MLLT10: variants seen among roughly 807,000 people sequenced by gnomAD.
The protein encoded by MLLT10 is protein AF-10.
MLLT10 carries 30 observed loss-of-function variants against 129.1 expected under a neutral mutation model. That is an observed-to-expected ratio of 0.23 (90% CI 0.17 to 0.32). The LOEUF is 0.32. Ranked by LOEUF, MLLT10 falls within the 10% of genes least tolerant of loss-of-function variation. The pLI, the probability that MLLT10 is intolerant of heterozygous loss-of-function variation, is 1.00. For missense variants in MLLT10, 1,119 were observed against 1,268.3 expected (o/e 0.88, Z 1.79); for synonymous variants, 490 against 446.4 (o/e 1.10, Z -1.23).
At chr10:21,620,053 T>A (rs2045658346) in intron 8 of MLLT10, among the ~76,000 whole-genome samples, 1 of 151,452 alleles carries the variant, frequency 6.6e-6, no homozygotes, top group African/African-American at 2.4e-5. Context: ...CCTCAGCCTC[T>A]TGAGTAGCTG....
At chr10:21,598,932 C>T (rs1237952972) in intron 5 of MLLT10, among the ~76,000 whole-genome samples, 1 of 151,968 alleles carries the variant, frequency 6.6e-6, no homozygotes, top group Non-Finnish European at 1.5e-5. Flanking sequence ...GTAATCCCAG[C>T]ACTTTGGGAG....
chr10:21,725,317 C>A (rs1451070848), intron 14 of MLLT10, among the ~76,000 whole-genome samples: 1 of 152,202 alleles, frequency 6.6e-6, no homozygotes, highest in Non-Finnish European at 1.5e-5. Flanking sequence ...TAATTAGTCT[C>A]ATGTCCACAT....
chr10:21,695,159 T>G (rs1802930947), intron 13 of MLLT10, among the ~76,000 whole-genome samples: 1 of 151,412 alleles, frequency 6.6e-6, no homozygotes, highest in South Asian at 2.1e-4. Context: ...AACCTCTGCC[T>G]TGCGGGTTCA....
intron 9 of MLLT10, among the ~76,000 whole-genome samples, chr10:21,664,018 A>G (rs1244634501): frequency 6.6e-6 from 1 of 152,188 alleles, no homozygotes; most frequent in Non-Finnish European, 1.5e-5. Flanking sequence ...ATAGGCATTT[A>G]ATGATATAAA....
intron 8 of MLLT10, among the ~76,000 whole-genome samples, chr10:21,642,518 GT>G (rs1272147503): frequency 2.6e-5 from 4 of 152,016 alleles, no homozygotes; most frequent in African/African-American, 9.7e-5. Context: ...TTAGCTGGGT[GT>G]GGTGGCACAT....
At chr10:21,665,300 T>TGG (rs1564607878) in intron 9 of MLLT10, among the ~76,000 whole-genome samples, 1 of 95,386 alleles carries the variant, frequency 1.0e-5, no homozygotes, top group Admixed American at 9.9e-5. Context: ...TTTGTTTTTT[T>TGG]TGGGGGGGGG....
chr10:21,543,036 G>A (rs2130912159), intron 3 of MLLT10, among the ~76,000 whole-genome samples: 1 of 151,458 alleles, frequency 6.6e-6, no homozygotes, highest in African/African-American at 2.4e-5. Context: ...TCGGCTCACT[G>A]CAGCATCCGC....
At chr10:21,726,025 A>G (rs927255174) in intron 14 of MLLT10, among the ~76,000 whole-genome samples, 14 of 152,254 alleles carry the variant, frequency 9.2e-5, no homozygotes, top group African/African-American at 3.4e-4. Flanking sequence ...TGCTGGGATT[A>G]CAGGCGTGAG....
At chr10:21,584,714 G>A (rs1182301903) in intron 3 of MLLT10, among the ~76,000 whole-genome samples, 1 of 151,392 alleles carries the variant, frequency 6.6e-6, no homozygotes, top group African/African-American at 2.4e-5. Flanking sequence ...GTATGTAAGT[G>A]TATATATATT....
intron 10 of MLLT10, among the ~76,000 whole-genome samples, chr10:21,672,991 T>G (rs1420265105): frequency 6.6e-6 from 1 of 152,202 alleles, no homozygotes; most frequent in Non-Finnish European, 1.5e-5. Flanking sequence ...ACTACTGTTC[T>G]GTAGTCCTTC....
chr10:21,544,175 G>A (rs1412515927), intron 3 of MLLT10, among the ~76,000 whole-genome samples: 1 of 152,220 alleles, frequency 6.6e-6, no homozygotes, highest in Non-Finnish European at 1.5e-5. Flanking sequence ...AGTCTGGGAT[G>A]TGATTAAGCT....
At chr10:21,673,961 C>A in intron 11 of MLLT10, 42 bp downstream of exon 11, 1 of 1,448,840 alleles carries the variant, frequency 6.9e-7, no homozygotes. Flanking sequence ...TCACTCCCAC[C>A]ACCTCCCTTC....
chr10:21,733,723 G>T (rs1308577279), intron 19 of MLLT10, 45 bp from the exon 20 acceptor site: 1 of 1,558,706 alleles, frequency 6.4e-7, no homozygotes, highest in African/African-American at 1.4e-5. Flanking sequence ...CTTACGCTGG[G>T]ACTTAATGTC....
intron 8 of MLLT10, among the ~76,000 whole-genome samples, chr10:21,647,718 C>T (rs941043698): frequency 1.3e-5 from 2 of 151,432 alleles, no homozygotes; most frequent in Admixed American, 1.3e-4. Flanking sequence ...GGGGGATTGC[C>T]CAGTCATGTC....
intron 3 of MLLT10, among the ~76,000 whole-genome samples, chr10:21,565,948 T>TC (rs2039499343): frequency 7.7e-6 from 1 of 130,514 alleles, no homozygotes; most frequent in East Asian, 2.1e-4. Flanking sequence ...TCTTTGGCTT[T>TC]TTTTTTTTTT....
chr10:21,674,501 C>T (rs1429019958), intron 11 of MLLT10, among the ~76,000 whole-genome samples: 2 of 152,112 alleles, frequency 1.3e-5, no homozygotes, highest in Non-Finnish European at 2.9e-5. Flanking sequence ...AAATATACTT[C>T]ATGATTTTAC....
chr10:21,591,905 G>A (rs2131116165), intron 4 of MLLT10, among the ~76,000 whole-genome samples: 2 of 152,118 alleles, frequency 1.3e-5, no homozygotes, highest in Middle Eastern at 3.4e-3. Context: ...ATTTTTAGTA[G>A]AGACATAGTT....
At chr10:21,551,717 G>A in intron 3 of MLLT10, 1 of 353,122 alleles carries the variant, frequency 2.8e-6, no homozygotes, top group Non-Finnish European at 5.3e-6. Context: ...AAATTGCCTA[G>A]CATATGGTAT....
chr10:21,633,656 C>T (rs1344238499), intron 8 of MLLT10, among the ~76,000 whole-genome samples: 3 of 152,058 alleles, frequency 2.0e-5, no homozygotes, highest in South Asian at 2.1e-4. Context: ...ATTGTGCCAC[C>T]GCACTCCTGC....
Sources: gnomAD v4.1 joint callset for allele counts (sites outside exome capture counted in the v4.1 genomes callset) on GRCh38, gnomAD v4.1.1 for gene constraint, MANE v1.5 for transcripts, NCBI Gene and HGNC (gene_info 2026-07-23, HGNC 2026-07-21) for gene names.